Variants in OCA2 observed in about 807,000 individuals in gnomAD.
The protein encoded by OCA2 is P protein.
In OCA2, 77 loss-of-function variants were observed where a neutral mutation model predicts 100.2. The ratio of observed to expected loss-of-function variants is 0.77; its 90% CI spans 0.64 to 0.93. The LOEUF is 0.93. Among genes scored for constraint, OCA2 ranks in the 40% least tolerant of loss-of-function variants. The pLI, the probability that OCA2 is intolerant of heterozygous loss-of-function variation, is 0.00. For synonymous variants in OCA2, 432 were observed against 439.2 expected (o/e 0.98, Z 0.21); for missense variants, 1,062 against 1,089.1 (o/e 0.98, Z 0.35).
chr15:28,080,904 G>A (rs1283366497), intron 2 of OCA2, among the ~76,000 whole-genome samples: 4 of 152,162 alleles, frequency 2.6e-5, no homozygotes, highest in Admixed American at 2.0e-4. Flanking sequence ...ATTTAAAGAT[G>A]TATCAAATTT....
chr15:27,871,233 A>G lies in OCA2; in HGVS notation c.2165T>C (p.Ile722Thr), dbSNP rs1800417. Residue 722 changes from isoleucine to threonine, a missense_variant, in exon 21 of 24, where the codon ATA becomes ACA. Physicochemically the swap from Ile to Thr is moderately conservative, Grantham distance 89. Transcript: ENST00000354638. ...IKMVPEEQRLIAAIVLVVWVS... is the reference protein window; with the variant it reads ...IKMVPEEQRLTAAIVLVVWVS... ...CCACACCACCAGGACAATGGCGGCTATGAGGCGCTGCTCCTCTGGGACCAT... is the reference window on the plus strand; with the variant it reads ...CCACACCACCAGGACAATGGCGGCTGTGAGGCGCTGCTCCTCTGGGACCAT... 3.8e-3 allele frequency: 6,149 copies of G among 1,614,112 alleles called. 118 individuals are homozygous for G. In the African/African-American group the frequency reaches 0.052, roughly 14 times the overall value.
intron 19 of OCA2, among the ~76,000 whole-genome samples, chr15:27,922,658 G>C (rs2140343450): frequency 6.6e-6 from 1 of 150,556 alleles, no homozygotes; most frequent in South Asian, 2.1e-4. Context: ...TCATGACATA[G>C]CTTTTGTGGT....
chr15:28,068,916 A>G (rs72714104), intron 2 of OCA2, among the ~76,000 whole-genome samples: 10,434 of 152,298 alleles, frequency 0.069, 398 homozygotes, highest in Middle Eastern at 0.1. Context: ...AATCCTCAAC[A>G]GACTAGGCAC....
In OCA2 at chr15:27,957,866, C is replaced by T. The variant is rs2040282562; in HGVS notation, c.1637-131G>A. The T allele has an allele frequency of 9.7e-7, 1 of 1,025,916 alleles. No individual in the cohort carries two copies. Among genetic ancestry groups the T allele is most frequent in the African/African-American group, 1.6e-5 (1 of 63,436 alleles). The allele number at this position is 1,025,916 out of a possible 1,614,324, so 63.6% of individuals were successfully genotyped here. On this transcript the variant is annotated intron_variant, in intron 15 of 23. Transcript: ENST00000354638. This position sits in a 1 kb window ranked among gnomAD's most constrained non-coding sequence, Gnocchi z 4.3. Reference sequence around the variant, plus strand: ...TCGAGACGTGCAGGTAGCCCAGGGTCACCCAGAGCTTCTCAGCACCTGAGC... The same window carrying T: ...TCGAGACGTGCAGGTAGCCCAGGGTTACCCAGAGCTTCTCAGCACCTGAGC...
chr15:27,869,963 G>A (rs1050218498), intron 21 of OCA2, among the ~76,000 whole-genome samples: 2 of 152,224 alleles, frequency 1.3e-5, no homozygotes, highest in African/African-American at 4.8e-5. Context: ...AACAGCCACC[G>A]AGTTAGTTCA....
At chr15:28,022,946 C>T (rs938471889) in intron 5 of OCA2, among the ~76,000 whole-genome samples, 1 of 152,204 alleles carries the variant, frequency 6.6e-6, no homozygotes, top group Non-Finnish European at 1.5e-5. Flanking sequence ...GCACCTTATA[C>T]ACCATCAAAA....
chr15:28,085,336 G>T (rs1028336814), intron 1 of OCA2, among the ~76,000 whole-genome samples: 4 of 152,122 alleles, frequency 2.6e-5, no homozygotes, highest in African/African-American at 9.7e-5. Flanking sequence ...GGTCCAAGAA[G>T]GAAATAGAAG....
chr15:27,838,464 G>C (rs1468027810), intron 23 of OCA2, among the ~76,000 whole-genome samples: 1 of 152,122 alleles, frequency 6.6e-6, no homozygotes, highest in Non-Finnish European at 1.5e-5. Flanking sequence ...TCAACATAAA[G>C]AGATCCGTGA....
At chr15:28,018,891 T>C (rs1456458996) in intron 6 of OCA2, among the ~76,000 whole-genome samples, 1 of 152,190 alleles carries the variant, frequency 6.6e-6, no homozygotes, top group Non-Finnish European at 1.5e-5. Flanking sequence ...CCCGGCCCGT[T>C]TCCTGCGCTT....
chr15:28,046,110 C>A (rs2043339742), intron 2 of OCA2, among the ~76,000 whole-genome samples: 1 of 152,192 alleles, frequency 6.6e-6, no homozygotes, highest in Non-Finnish European at 1.5e-5. Context: ...GATGACACTC[C>A]AGACTCTCTC....
At chr15:27,881,656 T>G (rs1312803527) in intron 19 of OCA2, among the ~76,000 whole-genome samples, 2 of 152,224 alleles carry the variant, frequency 1.3e-5, no homozygotes, top group South Asian at 4.1e-4. Flanking sequence ...TTTATTTGCA[T>G]AGAGATGTTT....
intron 21 of OCA2, among the ~76,000 whole-genome samples, chr15:27,852,765 C>T (rs62003795): frequency 3.2e-3 from 390 of 121,110 alleles, no homozygotes; most frequent in Admixed American, 5.0e-3. Flanking sequence ...GGGCAAAGGA[C>T]ATGAACAGAC....
intron 21 of OCA2, among the ~76,000 whole-genome samples, chr15:27,861,585 C>A (rs1030378797): frequency 6.6e-6 from 1 of 151,774 alleles, no homozygotes; most frequent in African/African-American, 2.4e-5. Context: ...AAGGGCCAGG[C>A]GGGGAAAGAT....
intron 19 of OCA2, among the ~76,000 whole-genome samples, chr15:27,884,837 G>A (rs951395157): frequency 6.6e-6 from 1 of 152,040 alleles, no homozygotes; most frequent in African/African-American, 2.4e-5. Context: ...ACTGCTAAGG[G>A]AGTATTTTCT....
intron 16 of OCA2, among the ~76,000 whole-genome samples, chr15:27,955,488 C>T (rs763792588): frequency 2.6e-5 from 4 of 152,152 alleles, no homozygotes; most frequent in South Asian, 2.1e-4. Context: ...GGAAGCTTCA[C>T]GAAAACCCCG....
chr15:27,722,806 C>T, the OCA2 span, among the ~76,000 whole-genome samples: 504 of 140,368 alleles, frequency 3.6e-3, 5 homozygotes, highest in African/African-American at 0.013. Flanking sequence ...CTCTCTTTCT[C>T]TCTCTCTTTC....
At chr15:27,878,951 C>T (rs1052254162) in intron 19 of OCA2, among the ~76,000 whole-genome samples, 1 of 152,134 alleles carries the variant, frequency 6.6e-6, no homozygotes, top group African/African-American at 2.4e-5. Flanking sequence ...CCTATCAACT[C>T]ATCACGTAGG....
intron 17 of OCA2, among the ~76,000 whole-genome samples, chr15:27,953,276 A>G (rs1439094222): frequency 1.3e-5 from 2 of 152,178 alleles, no homozygotes; most frequent in African/African-American, 4.8e-5. Context: ...GCTGCCATCA[A>G]AAACACATGC....
At chr15:27,774,198 G>T (rs77473862) in intron 23 of OCA2, among the ~76,000 whole-genome samples, 167 of 152,270 alleles carry the variant, frequency 1.1e-3, no homozygotes, top group African/African-American at 3.9e-3. Context: ...TTCACTGAAT[G>T]CTGGTGTCAC....
Sources: allele counts gnomAD v4.1 joint callset (sites outside exome capture counted in the v4.1 genomes callset), GRCh38; gene constraint gnomAD v4.1.1; non-coding constraint Gnocchi (gnomAD v3.1); transcripts MANE v1.5; gene names NCBI Gene and HGNC (gene_info 2026-07-23, HGNC 2026-07-21).